MACF1: variants seen among roughly 807,000 people sequenced by gnomAD.
MACF1 encodes the protein microtubule actin crosslinking factor 1, also known as microtubule-actin cross-linking factor 1.
Under a neutral mutation model 854.8 loss-of-function variants are expected in MACF1, and 193 were observed. That is an observed-to-expected ratio of 0.23 (90% CI 0.20 to 0.25). MACF1 has a LOEUF of 0.25. MACF1 is among the 10% of genes least tolerant of loss of function. The pLI, the probability that MACF1 is intolerant of heterozygous loss-of-function variation, is 1.00. For missense variants in MACF1, 7,722 were observed against 8,929.1 expected (o/e 0.86, Z 5.45); for synonymous variants, 3,185 against 3,226.7 (o/e 0.99, Z 0.44).
intron 1 of MACF1, among the ~76,000 whole-genome samples, chr1:39,207,431 C>A (rs940446777): frequency 3.3e-5 from 5 of 151,962 alleles, no homozygotes; most frequent in African/African-American, 1.2e-4. Context: ...CAGGCATGTG[C>A]CACCACAGCC....
At chr1:39,205,993 T>C (rs1291303357) in intron 1 of MACF1, among the ~76,000 whole-genome samples, 1 of 152,186 alleles carries the variant, frequency 6.6e-6, no homozygotes, top group East Asian at 1.9e-4. Flanking sequence ...TTCAGTACTC[T>C]CATTGTGATG....
chr1:39,435,462 G>A (rs989923818), intron 69 of MACF1, 96 bp from the exon 70 acceptor site: 18 of 1,035,856 alleles, frequency 1.7e-5, no homozygotes, highest in Non-Finnish European at 2.9e-6. Context: ...AATTTTGTTT[G>A]TTCCTCTTAA....
chr1:39,334,683 G>A lies in MACF1; in HGVS notation c.8095G>A (p.Gly2699Arg). 6.2e-7 allele frequency: 1 copy of A among 1,614,066 alleles called. No homozygotes were observed. The highest frequency in any genetic ancestry group is 8.5e-7 in the Non-Finnish European group (1 of 1,180,006). ...NTGGIIDTAT[G>R]KRLTLASALE... is the part of the protein sequence containing the mutation. Reference sequence around the variant, plus strand: ...TGGTGGAATCATAGATACTGCTACTGGAAAAAGACTGACATTGGCATCAGC... The same window carrying A: ...TGGTGGAATCATAGATACTGCTACTAGAAAAAGACTGACATTGGCATCAGC... Residue 2699 changes from glycine (G) to arginine (R), a missense_variant, in exon 37 of 101, where the codon GGA becomes AGA. This residue lies in a region of MACF1 where 1,531 missense variants were observed against 1,601.6 expected (regional missense o/e 0.96). Coordinates refer to ENST00000564288, the MANE Select transcript of MACF1 (RefSeq NM_001394062.1).
chr1:39,334,913 G>A lies in MACF1; in HGVS notation c.8325G>A (p.Lys2775=). The A allele has an allele frequency of 6.2e-7, 1 of 1,614,184 alleles. No homozygotes were observed. The highest frequency in any genetic ancestry group is 8.5e-7 in the Non-Finnish European group (1 of 1,180,020). The part of the protein sequence containing the change: ...EFSDHRAQIE[K]QEGIEVCALQ... ...GCGATCACAGGGCTCAGATTGAAAA[G>A]CAAGAAGGGATTGAAGTGTGTGCAT... The change falls in exon 37 of 101, where the codon AAG becomes AAA. Residue 2775 remains lysine (K), a synonymous_variant. Coordinates refer to ENST00000564288, the MANE Select transcript of MACF1 (RefSeq NM_001394062.1).
At chr1:39,470,237 T>C (rs1644750752) in intron 97 of MACF1, among the ~76,000 whole-genome samples, 1 of 152,198 alleles carries the variant, frequency 6.6e-6, no homozygotes. Context: ...AAGATAGCAG[T>C]TTTCACATGA....
chr1:39,257,829 C>T (rs1200557656), intron 5 of MACF1, 107 bp from the exon 6 acceptor site: 7 of 809,124 alleles, frequency 8.7e-6, no homozygotes, highest in Middle Eastern at 2.6e-4. Flanking sequence ...GAACTGTACA[C>T]CAAAAAAGAA....
rs974567853 is a variant in MACF1 at position 39,451,037 on chromosome 1, G to T, written c.20259-15G>T. On this transcript the variant is annotated splice_polypyrimidine_tract_variant and intron_variant, in intron 84 of 100. Transcript: ENST00000564288. ...GGAATCCCTAAAAATGGTAGCGTTT[G>T]TGTGCATTTCTCAGGCAGCACAAGT... 28 of 1,610,220 alleles carry T rather than the reference G, an allele frequency of 1.7e-5. No individual in the cohort carries two copies. The highest frequency in any genetic ancestry group is 2.2e-5 in the Non-Finnish European group (26 of 1,178,528).
rs1171488374 is a variant in MACF1, at chr1:39,314,476, A to C, written c.3271-1037A>C. Among the ~76,000 whole-genome samples, 3 of 151,788 alleles carry C rather than the reference A, an allele frequency of 2.0e-5. No individual in the cohort carries two copies. The East Asian group carries it at 5.8e-4, about 29-fold the overall frequency. The stretch of plus-strand genomic sequence containing the variant: ...GCATACACACACACACACGTGTTAC[A>C]TATACACACATATACATGTACGTAA... On this transcript the variant is annotated intron_variant, in intron 26 of 100. Coordinates refer to ENST00000564288, the MANE Select transcript of MACF1 (RefSeq NM_001394062.1).
chr1:39,307,595 G>T (rs1646208864), intron 23 of MACF1, among the ~76,000 whole-genome samples: 1 of 151,838 alleles, frequency 6.6e-6, no homozygotes, highest in South Asian at 2.1e-4. Context: ...ATTATTTTGA[G>T]ACAGTCTCGC....
At chr1:39,211,516 G>T (rs1055533874) in intron 1 of MACF1, among the ~76,000 whole-genome samples, 1 of 151,942 alleles carries the variant, frequency 6.6e-6, no homozygotes, top group Non-Finnish European at 1.5e-5. Flanking sequence ...AATCCTCCAC[G>T]TCGGCCTCCC....
At chr1:39,176,620 T>C (rs1043907094) in intron 2 of MACF1, among the ~76,000 whole-genome samples, 3 of 152,206 alleles carry the variant, frequency 2.0e-5, no homozygotes, top group Non-Finnish European at 2.9e-5. Context: ...TAGATATGAA[T>C]TCTTGTTATA....
intron 58 of MACF1, among the ~76,000 whole-genome samples, chr1:39,393,836 AGG>A (rs1365106758): frequency 7.6e-6 from 1 of 131,182 alleles, no homozygotes; most frequent in Non-Finnish European, 1.6e-5. Flanking sequence ...ACAGAGAGAG[AGG>A]GAGGGAGGGA....
In MACF1 at chr1:39,427,514, C is replaced by G. The variant is rs1643765485; in HGVS notation, c.16376C>G (p.Pro5459Arg). 6.2e-7 allele frequency: 1 copy of G among 1,613,970 alleles called. No individual in the cohort carries two copies. The highest frequency in any genetic ancestry group is 8.5e-7 in the Non-Finnish European group (1 of 1,179,998). Residue 5459 changes from proline (P) to arginine (R), a missense_variant, in exon 62 of 101, where the codon CCT becomes CGT. Coordinates refer to ENST00000564288, the MANE Select transcript of MACF1 (RefSeq NM_001394062.1). Reference protein sequence around the residue: ...LAKQFHETAEPISDFLSVTEK... With the variant: ...LAKQFHETAERISDFLSVTEK... ...AAACAGTTCCATGAGACAGCTGAGC[C>G]TATTTCTGACTTCTTATCTGTCACA...
At chr1:39,111,273 C>G (rs1642395817) in intron 2 of MACF1, among the ~76,000 whole-genome samples, 1 of 152,182 alleles carries the variant, frequency 6.6e-6, no homozygotes, top group South Asian at 2.1e-4. Flanking sequence ...GTAGCTCACT[C>G]TAACCTCAAA....
chr1:39,477,202 G>A (rs1395520730), intron 97 of MACF1, among the ~76,000 whole-genome samples: 2 of 143,162 alleles, frequency 1.4e-5, no homozygotes, highest in Non-Finnish European at 3.1e-5. Flanking sequence ...ATGTCCCTTG[G>A]GTTGTGAGAT....
intron 1 of MACF1, among the ~76,000 whole-genome samples, chr1:39,224,394 C>G (rs2148294632): frequency 1.3e-5 from 2 of 152,150 alleles, no homozygotes; most frequent in South Asian, 4.2e-4. Context: ...AGGCAGAAAA[C>G]TAGGGTAGAA....
intron 2 of MACF1, among the ~76,000 whole-genome samples, chr1:39,176,246 C>G (rs1441734575): frequency 3.3e-5 from 5 of 150,240 alleles, no homozygotes; most frequent in Non-Finnish European, 5.9e-5. Context: ...CCTCTGCACT[C>G]CAGTCTGAGT....
intron 2 of MACF1, among the ~76,000 whole-genome samples, chr1:39,247,403 A>C (rs1213539155): frequency 6.6e-6 from 1 of 152,180 alleles, no homozygotes; most frequent in African/African-American, 2.4e-5. Context: ...TTATGTAAAC[A>C]TACAATTAAA....
intron 2 of MACF1, among the ~76,000 whole-genome samples, chr1:39,239,847 A>G (rs907957343): frequency 2.0e-5 from 3 of 152,224 alleles, no homozygotes; most frequent in Non-Finnish European, 2.9e-5. Context: ...AAATTTCCAT[A>G]TATACCAGCA....
Sources: gnomAD v4.1 joint callset for allele counts (sites outside exome capture counted in the v4.1 genomes callset) on GRCh38, gnomAD v4.1.1 for gene constraint, gnomAD v4.1.1 regional missense constraint, MANE v1.5 for transcripts, NCBI Gene and HGNC (gene_info 2026-07-23, HGNC 2026-07-21) for gene names.